The following BMP3 variants were observed in gnomAD, a reference collection of about 807,000 sequenced individuals.
The protein encoded by BMP3 is bone morphogenetic protein 3.
BMP3 carries 23 observed loss-of-function variants against 38.1 expected under a neutral mutation model. That is an observed-to-expected ratio of 0.60 (90% confidence interval 0.43 to 0.86). The LOEUF is 0.86. BMP3 is among the 40% of genes least tolerant of loss of function. The pLI is 0.00. For missense variants in BMP3, 628 were observed against 579.6 expected (o/e 1.08, Z -0.86); for synonymous variants, 258 against 225.7 (o/e 1.14, Z -1.28).
At chr4:81,032,193 G>GGAAAAAAA (rs1739791755) in intron 1 of BMP3, among the ~76,000 whole-genome samples, 1 of 4,192 alleles carries the variant, frequency 2.4e-4, no homozygotes, top group Non-Finnish European at 9.2e-4. Context: ...TTCCTTAGTG[G>GGAAAAAAA]CAAAAAAAAA....
At chr4:81,035,655 A>G (rs1739903263) in intron 1 of BMP3, among the ~76,000 whole-genome samples, 1 of 152,060 alleles carries the variant, frequency 6.6e-6, no homozygotes, top group African/African-American at 2.4e-5. Context: ...TTTCAAACAT[A>G]CTGAGCTCAT....
intron 1 of BMP3, among the ~76,000 whole-genome samples, chr4:81,036,126 CCTT>C (rs1349352505): frequency 6.6e-6 from 1 of 151,792 alleles, no homozygotes; most frequent in Non-Finnish European, 1.5e-5. Flanking sequence ...TATGAGTTCT[CCTT>C]CATTATTTTC....
At chr4:81,033,229 A>G (rs1428719076) in intron 1 of BMP3, among the ~76,000 whole-genome samples, 1 of 152,236 alleles carries the variant, frequency 6.6e-6, no homozygotes, top group East Asian at 1.9e-4. Flanking sequence ...CATTTATAGA[A>G]TGAACCACAT....
At chr4:81,037,020 A>G (rs191031256) in intron 1 of BMP3, among the ~76,000 whole-genome samples, 1 of 152,204 alleles carries the variant, frequency 6.6e-6, no homozygotes, top group Admixed American at 6.5e-5. Flanking sequence ...TCATGGCTAT[A>G]GAACCATGGT....
chr4:81,052,102 G>A (rs1740412408), intron 2 of BMP3, among the ~76,000 whole-genome samples: 1 of 151,626 alleles, frequency 6.6e-6, no homozygotes, highest in South Asian at 2.1e-4. Context: ...TCCCATGCTG[G>A]GAGCTTTAGG....
intron 2 of BMP3, among the ~76,000 whole-genome samples, chr4:81,049,731 C>CCCCTAATGCAAATAAAA (rs1740359242): frequency 2.0e-5 from 3 of 152,148 alleles, no homozygotes; most frequent in African/African-American, 7.2e-5. Context: ...AATTAATAAA[C>CCCCTAATGCAAATAAAA]ATCCCTGTTA....
chr4:81,032,905 G>A (rs1196477171), intron 1 of BMP3, among the ~76,000 whole-genome samples: 1 of 152,236 alleles, frequency 6.6e-6, no homozygotes, highest in East Asian at 1.9e-4. Context: ...TCTGTGAGGA[G>A]AGCGCCACCA....
At chr4:81,038,939 A>G (rs1285511528) in intron 1 of BMP3, among the ~76,000 whole-genome samples, 3 of 152,172 alleles carry the variant, frequency 2.0e-5, no homozygotes, top group African/African-American at 7.2e-5. Flanking sequence ...ACATTTTACT[A>G]TTCTAGAAAA....
chr4:81,052,655 A>G (rs1188437188), intron 2 of BMP3, among the ~76,000 whole-genome samples: 1 of 152,050 alleles, frequency 6.6e-6, no homozygotes, highest in Non-Finnish European at 1.5e-5. Flanking sequence ...AGCAACAGTG[A>G]CCCCCAGTGG....
intron 2 of BMP3, among the ~76,000 whole-genome samples, chr4:81,051,509 A>C (rs1472321): frequency 6.6e-6 from 1 of 152,118 alleles, no homozygotes; most frequent in African/African-American, 2.4e-5. Context: ...TGGAAAATCT[A>C]GTTTAAAAGT....
chr4:81,052,769 TTAAA>T (rs557667834), intron 2 of BMP3, among the ~76,000 whole-genome samples: 151 of 152,264 alleles, frequency 9.9e-4, no homozygotes, highest in African/African-American at 3.2e-3. Flanking sequence ...AACTATTAAA[TTAAA>T]TAAATCAATA....
chr4:81,052,770 TAAATA>T (rs984220683), intron 2 of BMP3, among the ~76,000 whole-genome samples: 1 of 151,864 alleles, frequency 6.6e-6, no homozygotes, highest in African/African-American at 2.4e-5. Flanking sequence ...ACTATTAAAT[TAAATA>T]AATCAATACC....
intron 1 of BMP3, among the ~76,000 whole-genome samples, chr4:81,042,418 C>G (rs139900322): frequency 6.6e-6 from 1 of 152,280 alleles, no homozygotes; most frequent in East Asian, 1.9e-4. Flanking sequence ...GATAAGCACA[C>G]CAAAACTTAA....
rs60606505 is a variant in BMP3 at position 81,053,601 on chromosome 4, G to GTTTTTT, written c.*80_*85dup. The GTTTTTT allele has an allele frequency of 1.1e-4, 39 of 358,044 alleles. No homozygotes were observed. Among genetic ancestry groups the GTTTTTT allele is most frequent in the African/African-American group, 1.8e-4 (6 of 33,778 alleles). The allele number at this position is 358,044 out of a possible 1,614,324, so 22.2% of individuals were successfully genotyped here. On this transcript the variant is annotated 3_prime_UTR_variant, in exon 3 of 3. Coordinates refer to ENST00000282701, the MANE Select transcript of BMP3 (RefSeq NM_001201.5). ...AGTTTATTTTTATGGACTTCTTCCT[G>GTTTTTT]TTTTTTTTTTTTTTTTTTTTGCACT... is the stretch of plus-strand genomic sequence containing the variant.
rs1740221342 is a variant in BMP3 at position 81,045,914 on chromosome 4, C to A, written c.493C>A (p.Leu165Ile). ...HAQRKHIQID[L>I]SAWTLKFSRN... The stretch of plus-strand genomic sequence containing the variant: ...TCAGAGGAAACACATTCAGATTGAT[C>A]TTTCTGCATGGACCCTCAAATTCAG... The change falls in exon 2 of 3, where the codon CTT (leucine) becomes ATT (isoleucine). Residue 165 changes from leucine (L) to isoleucine (I), a missense_variant. Physicochemically the swap from Leu to Ile is conservative, Grantham distance 5. Transcript: ENST00000282701. 1.2e-6 allele frequency: 2 copies of A among 1,614,066 alleles called. No homozygotes were observed. The highest frequency in any genetic ancestry group is 1.1e-5 in the South Asian group (1 of 91,072).
At chr4:81,049,247 G>A (rs1266035482) in intron 2 of BMP3, among the ~76,000 whole-genome samples, 1 of 152,160 alleles carries the variant, frequency 6.6e-6, no homozygotes, top group Non-Finnish European at 1.5e-5. Context: ...CATAGGAAAC[G>A]AGATCAAGAG....
chr4:81,046,456 G>T lies in BMP3; in HGVS notation c.1035G>T (p.Lys345Asn). The change falls in exon 2 of 3, where the codon AAG becomes AAT. Residue 345 changes from lysine to asparagine, a missense_variant. Transcript: ENST00000282701. Reference sequence around the variant, plus strand: ...AACAGAGAAAGGGGCCTCATCGGAAGAGCCAGACGCTCCAATTTGATGAGC... The same window carrying T: ...AACAGAGAAAGGGGCCTCATCGGAATAGCCAGACGCTCCAATTTGATGAGC... ...KKKQRKGPHRKSQTLQFDEQT... is the reference protein window; with the variant it reads ...KKKQRKGPHRNSQTLQFDEQT... The T allele has an allele frequency of 6.2e-7, 1 of 1,614,052 alleles. No individual in the cohort carries two copies. Among genetic ancestry groups the T allele is most frequent in the Non-Finnish European group, 8.5e-7 (1 of 1,179,982 alleles).
At chr4:81,038,445 T>C (rs182269538) in intron 1 of BMP3, among the ~76,000 whole-genome samples, 3 of 152,258 alleles carry the variant, frequency 2.0e-5, no homozygotes, top group Admixed American at 1.3e-4. Context: ...AATACTTCAG[T>C]TGAGTTGAGT....
chr4:81,037,230 A>G (rs1189586855), intron 1 of BMP3: 2 of 152,820 alleles, frequency 1.3e-5, no homozygotes, highest in African/African-American at 4.8e-5. Context: ...AGTTAAACCA[A>G]CTGTCCAACA....
Sources: gnomAD v4.1 joint callset for allele counts (sites outside exome capture counted in the v4.1 genomes callset) on GRCh38, gnomAD v4.1.1 for gene constraint, MANE v1.5 for transcripts, NCBI Gene and HGNC (gene_info 2026-07-23, HGNC 2026-07-21) for gene names.